CYSTM1: variants seen among roughly 807,000 people sequenced by gnomAD.
The protein encoded by CYSTM1 is cysteine rich transmembrane module containing 1.
CYSTM1 carries 4 observed loss-of-function variants against 13.1 expected under a neutral mutation model. The ratio of observed to expected loss-of-function variants is 0.31; its 90% CI spans 0.15 to 0.70. The LOEUF (loss-of-function observed/expected upper bound fraction) is 0.70. CYSTM1 is among the 30% of genes least tolerant of loss of function. The pLI is 0.72. For missense variants in CYSTM1, 96 were observed against 121.6 expected (o/e 0.79, Z 0.99); for synonymous variants, 36 against 42.7 (o/e 0.84, Z 0.62).
chr5:140,220,218 A>G (rs1012706177), intron 2 of CYSTM1, among the ~76,000 whole-genome samples: 6 of 152,138 alleles, frequency 3.9e-5, no homozygotes, highest in African/African-American at 1.2e-4. Flanking sequence ...CAGTTCATGC[A>G]TTAATCACCC....
intron 2 of CYSTM1, chr5:140,201,394 A>C (rs112180487): frequency 6.6e-6 from 1 of 152,176 alleles, no homozygotes; most frequent in Non-Finnish European, 1.5e-5. Context: ...TAAGGCCTCT[A>C]ACCTGCCATA....
intron 2 of CYSTM1, among the ~76,000 whole-genome samples, chr5:140,224,936 C>T (rs988080273): frequency 1.3e-5 from 2 of 152,176 alleles, no homozygotes; most frequent in Admixed American, 1.3e-4. Flanking sequence ...AATCCCAGTA[C>T]TTTGGGAAAC....
chr5:140,188,373 C>G (rs766299021), intron 1 of CYSTM1, among the ~76,000 whole-genome samples: 6 of 152,118 alleles, frequency 3.9e-5, no homozygotes, highest in Non-Finnish European at 7.3e-5. Flanking sequence ...TAAGCATGAG[C>G]CCTGAGCCCA....
intron 2 of CYSTM1, among the ~76,000 whole-genome samples, chr5:140,207,045 G>T (rs1764307421): frequency 6.6e-6 from 1 of 152,204 alleles, no homozygotes. Context: ...CCCAAATGGT[G>T]TTTTCATGGA....
intron 1 of CYSTM1, among the ~76,000 whole-genome samples, chr5:140,178,004 C>G (rs558500507): frequency 1.7e-4 from 26 of 152,280 alleles, no homozygotes; most frequent in Admixed American, 2.6e-4. Flanking sequence ...AAGCCACCCC[C>G]ACAAGTTTTC....
intron 1 of CYSTM1, among the ~76,000 whole-genome samples, chr5:140,192,530 G>C (rs1405542577): frequency 6.6e-6 from 1 of 152,066 alleles, no homozygotes; most frequent in Non-Finnish European, 1.5e-5. Flanking sequence ...CCTTTTTTCT[G>C]CTCTGCCTTT....
chr5:140,213,192 T>G (rs148768397), intron 2 of CYSTM1, among the ~76,000 whole-genome samples: 375 of 151,518 alleles, frequency 2.5e-3, no homozygotes, highest in African/African-American at 8.5e-3. Flanking sequence ...GACAGTAATG[T>G]TAATGATACT....
intron 1 of CYSTM1, among the ~76,000 whole-genome samples, chr5:140,189,811 T>C (rs942099425): frequency 6.6e-6 from 1 of 152,194 alleles, no homozygotes; most frequent in African/African-American, 2.4e-5. Flanking sequence ...ATCTAAGAGC[T>C]TCTGGGTCAT....
At chr5:140,212,983 G>GTA (rs150669111) in intron 2 of CYSTM1, among the ~76,000 whole-genome samples, 12,700 of 114,086 alleles carry the variant, frequency 0.11, 763 homozygotes, top group Middle Eastern at 0.19. Context: ...CAAAACAAAA[G>GTA]TATATATATA....
At chr5:140,209,760 A>G (rs1034094493) in intron 2 of CYSTM1, among the ~76,000 whole-genome samples, 1 of 151,352 alleles carries the variant, frequency 6.6e-6, no homozygotes, top group Non-Finnish European at 1.5e-5. Flanking sequence ...GGGTTTCACC[A>G]TGTTGGCCAG....
intron 2 of CYSTM1, among the ~76,000 whole-genome samples, chr5:140,229,866 T>C (rs1764600319): frequency 1.3e-5 from 2 of 151,984 alleles, no homozygotes; most frequent in Admixed American, 1.3e-4. Context: ...CCCAGCTAAT[T>C]TTGCATTTTT....
intron 1 of CYSTM1, among the ~76,000 whole-genome samples, chr5:140,178,994 C>A (rs191280546): frequency 6.6e-6 from 1 of 151,812 alleles, no homozygotes; most frequent in African/African-American, 2.4e-5. Context: ...ATCTGAGGCC[C>A]GGTGCGGTAA....
At chr5:140,176,696 G>C (rs1195962963) in intron 1 of CYSTM1, among the ~76,000 whole-genome samples, 1 of 152,170 alleles carries the variant, frequency 6.6e-6, no homozygotes, top group Non-Finnish European at 1.5e-5. Context: ...TATTAAAGGA[G>C]AACCAGCATC....
intron 2 of CYSTM1, among the ~76,000 whole-genome samples, chr5:140,217,004 A>G (rs1055208311): frequency 3.9e-5 from 6 of 152,148 alleles, no homozygotes; most frequent in South Asian, 2.1e-4. Context: ...CTTAAAGACT[A>G]TAACTTGGGA....
chr5:140,195,527 C>T (rs910253062), intron 2 of CYSTM1, among the ~76,000 whole-genome samples: 14 of 150,476 alleles, frequency 9.3e-5, no homozygotes, highest in African/African-American at 2.9e-4. Context: ...CTGCAAGCTC[C>T]GCCTCCTGGG....
intron 2 of CYSTM1, among the ~76,000 whole-genome samples, chr5:140,234,538 C>T (rs957702289): frequency 1.3e-5 from 2 of 152,192 alleles, no homozygotes; most frequent in Admixed American, 6.5e-5. Flanking sequence ...CCTTACATGC[C>T]ATAACCTTTA....
At chr5:140,240,954 G>A (rs903421156) in intron 2 of CYSTM1, among the ~76,000 whole-genome samples, 1 of 152,256 alleles carries the variant, frequency 6.6e-6, no homozygotes, top group Admixed American at 6.5e-5. Flanking sequence ...GGGAAACTTG[G>A]TGCTCCAGGA....
intron 2 of CYSTM1, among the ~76,000 whole-genome samples, chr5:140,226,613 A>ATATATATATATATATATATATATATAT (rs61099181): frequency 9.4e-5 from 8 of 85,264 alleles, no homozygotes; most frequent in South Asian, 4.7e-4. Flanking sequence ...TATATATATA[A>ATATATATATATATATATATATATATAT]AAATTAGCCA....
intron 2 of CYSTM1, among the ~76,000 whole-genome samples, chr5:140,222,056 C>T (rs1764498709): frequency 6.6e-6 from 1 of 152,226 alleles, no homozygotes; most frequent in Non-Finnish European, 1.5e-5. Flanking sequence ...GTGGCGTGGG[C>T]TCTTAATGAC....
Sources: gnomAD v4.1 joint callset for allele counts (sites outside exome capture counted in the v4.1 genomes callset) on GRCh38, gnomAD v4.1.1 for gene constraint, MANE v1.5 for transcripts, NCBI Gene and HGNC (gene_info 2026-07-23, HGNC 2026-07-21) for gene names.